TANGO6: variants seen among roughly 807,000 people sequenced by gnomAD.
The protein encoded by TANGO6 is transport and Golgi organization protein 6 homolog.
A neutral mutation model predicts 114.2 loss-of-function variants in TANGO6; 90 were observed. That is an observed-to-expected ratio of 0.79 (90% CI 0.66 to 0.94). The LOEUF (loss-of-function observed/expected upper bound fraction) is 0.94, where lower values mean the gene tolerates loss of function less well. TANGO6 is among the 40% of genes least tolerant of loss of function. TANGO6 has a pLI of 0.00. For missense variants in TANGO6, 1,274 were observed against 1,315.3 expected (o/e 0.97, Z 0.49); for synonymous variants, 477 against 509.8 (o/e 0.94, Z 0.87).
rs746021263 is a variant in TANGO6 at position 68,907,414 on chromosome 16, A to G, written c.1668-29A>G. On this transcript the variant is annotated intron_variant, in intron 9 of 17. Transcript: ENST00000261778. ...AATTATGTGTATCTCTGGTGACACT[A>G]CCAAGATAAATTTTACCCTGCATTG... 6 of 1,550,358 alleles carry G rather than the reference A, an allele frequency of 3.9e-6. No individual in the cohort carries two copies. In the East Asian group the frequency reaches 1.4e-4, roughly 36 times the overall value.
intron 15 of TANGO6, among the ~76,000 whole-genome samples, chr16:68,998,293 G>A (rs1964011119): frequency 6.6e-6 from 1 of 152,160 alleles, no homozygotes; most frequent in Non-Finnish European, 1.5e-5. Flanking sequence ...GTTCACAGGA[G>A]TAAGCAGGAT....
At chr16:68,932,784 C>T (rs913726213) in intron 14 of TANGO6, among the ~76,000 whole-genome samples, 9 of 150,720 alleles carry the variant, frequency 6.0e-5, no homozygotes, top group Admixed American at 1.3e-4. Context: ...AGTGAGACTC[C>T]GTCTCAGAAA....
chr16:68,894,126 T>A (rs1330218470), intron 7 of TANGO6, among the ~76,000 whole-genome samples: 1 of 152,222 alleles, frequency 6.6e-6, no homozygotes, highest in East Asian at 1.9e-4. Flanking sequence ...TCCTTTTTAG[T>A]GCATTGTTTG....
intron 4 of TANGO6, among the ~76,000 whole-genome samples, chr16:68,872,248 G>A (rs1009784597): frequency 3.3e-5 from 5 of 151,712 alleles, no homozygotes; most frequent in African/African-American, 1.2e-4. Flanking sequence ...TGTCTTAATG[G>A]TCTTGTCTTC....
chr16:68,914,069 G>A (rs1413189740), intron 11 of TANGO6, among the ~76,000 whole-genome samples: 1 of 152,174 alleles, frequency 6.6e-6, no homozygotes, highest in African/African-American at 2.4e-5. Flanking sequence ...CTTGGCAGCA[G>A]GTTTAGACGC....
intron 16 of TANGO6, among the ~76,000 whole-genome samples, chr16:69,028,856 C>CAAAAAAA (rs397761274): frequency 3.4e-4 from 22 of 65,234 alleles, no homozygotes; most frequent in African/African-American, 4.7e-4. Flanking sequence ...CCCAGTTTAA[C>CAAAAAAA]AAAAAAAAAA....
At chr16:68,868,753 T>G (rs999153190) in intron 4 of TANGO6, among the ~76,000 whole-genome samples, 12 of 152,108 alleles carry the variant, frequency 7.9e-5, no homozygotes, top group Non-Finnish European at 7.4e-5. Flanking sequence ...CACCTCGGCC[T>G]CCCAAAGTGC....
At chr16:68,979,344 C>T (rs934243140) in intron 15 of TANGO6, among the ~76,000 whole-genome samples, 1 of 152,116 alleles carries the variant, frequency 6.6e-6, no homozygotes, top group African/African-American at 2.4e-5. Context: ...ATTCTCCAGC[C>T]TCAGCCTCCC....
chr16:69,083,756 C>A lies in TANGO6; in HGVS notation c.*95C>A. The A allele has an allele frequency of 7.3e-7, 1 of 1,372,514 alleles. No homozygotes were observed. The highest frequency in any genetic ancestry group is 9.8e-7 in the Non-Finnish European group (1 of 1,019,484). 85.0% of individuals were successfully genotyped at this position (1,372,514 alleles called of 1,614,324 possible). A position where few individuals can be genotyped will look rare whatever the true frequency, so the allele number is the denominator to read the frequency against. On this transcript the variant is annotated 3_prime_UTR_variant, in exon 18 of 18. Transcript: ENST00000261778. Reference sequence around the variant, plus strand: ...AGGTGGCCCTGCTGCCTCTTGAGTGCTGGCAGCATGGCTGACCCTCGGGGT... The same window carrying A: ...AGGTGGCCCTGCTGCCTCTTGAGTGATGGCAGCATGGCTGACCCTCGGGGT...
intron 1 of TANGO6, among the ~76,000 whole-genome samples, chr16:68,856,218 A>G (rs1375970924): frequency 1.3e-5 from 2 of 152,248 alleles, no homozygotes; most frequent in Admixed American, 1.3e-4. Flanking sequence ...ACCACTAAGT[A>G]TGATGGTAAC....
intron 17 of TANGO6, among the ~76,000 whole-genome samples, chr16:69,046,871 A>C (rs890280589): frequency 1.3e-5 from 2 of 152,136 alleles, no homozygotes; most frequent in African/African-American, 4.8e-5. Flanking sequence ...AAAAAGAAAA[A>C]GATTTAAAAT....
chr16:68,951,840 C>A (rs913597236), intron 14 of TANGO6, among the ~76,000 whole-genome samples: 18 of 152,134 alleles, frequency 1.2e-4, no homozygotes, highest in Non-Finnish European at 2.6e-4. Context: ...TCTCGATCTC[C>A]TGACCTTGTG....
intron 1 of TANGO6, among the ~76,000 whole-genome samples, chr16:68,847,049 C>G (rs576781770): frequency 6.6e-6 from 1 of 151,978 alleles, no homozygotes; most frequent in Non-Finnish European, 1.5e-5. Flanking sequence ...CGCCACCACG[C>G]CCTGCTAATT....
At chr16:69,022,598 G>C (rs1467572212) in intron 15 of TANGO6, among the ~76,000 whole-genome samples, 1 of 152,016 alleles carries the variant, frequency 6.6e-6, no homozygotes, top group Non-Finnish European at 1.5e-5. Context: ...CAACTACTTG[G>C]GAGACTGAGG....
intron 14 of TANGO6, among the ~76,000 whole-genome samples, chr16:68,962,778 TA>T (rs1371251243): frequency 6.6e-6 from 1 of 150,642 alleles, no homozygotes; most frequent in Non-Finnish European, 1.5e-5. Flanking sequence ...ATAATAATAA[TA>T]AAATAAAGAG....
chr16:69,080,899 G>A (rs1243337072), intron 17 of TANGO6, among the ~76,000 whole-genome samples: 1 of 152,122 alleles, frequency 6.6e-6, no homozygotes, highest in African/African-American at 2.4e-5. Flanking sequence ...AGCACTTTGG[G>A]AGGCCGAGGC....
intron 7 of TANGO6, among the ~76,000 whole-genome samples, chr16:68,886,444 G>A (rs920455291): frequency 6.6e-5 from 10 of 151,942 alleles, no homozygotes; most frequent in African/African-American, 1.5e-4. Context: ...GTTGAGGGAT[G>A]GGCTCCTGGC....
chr16:69,039,600 C>T (rs1959743262), intron 16 of TANGO6, among the ~76,000 whole-genome samples: 1 of 152,160 alleles, frequency 6.6e-6, no homozygotes, highest in South Asian at 2.1e-4. Flanking sequence ...TGCACCACTG[C>T]ACTCCAGCCT....
chr16:69,039,201 C>T (rs1959736514), intron 16 of TANGO6, among the ~76,000 whole-genome samples: 1 of 150,322 alleles, frequency 6.7e-6, no homozygotes, highest in African/African-American at 2.5e-5. Context: ...AAAAATTAGG[C>T]ATGGTTGTGT....
Sources: gnomAD v4.1 joint callset for allele counts (sites outside exome capture counted in the v4.1 genomes callset) on GRCh38, gnomAD v4.1.1 for gene constraint, MANE v1.5 for transcripts, NCBI Gene and HGNC (gene_info 2026-07-23, HGNC 2026-07-21) for gene names.